DLG2: variants seen among roughly 807,000 people sequenced by gnomAD.
DLG2 encodes the protein discs large MAGUK scaffold protein 2.
Under a neutral mutation model 132.5 loss-of-function variants are expected in DLG2, and 45 were observed. The observed-to-expected ratio is 0.34, with a 90% CI of 0.27 to 0.44. The LOEUF (loss-of-function observed/expected upper bound fraction) is 0.44. DLG2 is among the 20% of genes least tolerant of loss of function. DLG2 has a pLI of 1.00. For synonymous variants in DLG2, 424 were observed against 419.6 expected, an observed-to-expected ratio of 1.01 and a Z score of -0.13; for missense variants, 1,045 against 1,196.9, an observed-to-expected ratio of 0.87 and a Z score of 1.87.
chr11:85,428,578 A>G (rs2090942716), intron 3 of DLG2, among the ~76,000 whole-genome samples: 1 of 152,222 alleles, frequency 6.6e-6, no homozygotes, highest in Non-Finnish European at 1.5e-5. Context: ...TTTGAAACCA[A>G]TGAGAACAAA....
chr11:85,612,031 A>G (rs941021137), intron 2 of DLG2, among the ~76,000 whole-genome samples: 1 of 152,254 alleles, frequency 6.6e-6, no homozygotes, highest in Non-Finnish European at 1.5e-5. Flanking sequence ...AGAGAAGGAA[A>G]GAGAGGAAGA....
chr11:85,427,476 T>C (rs1026522040), intron 3 of DLG2, among the ~76,000 whole-genome samples: 1 of 152,118 alleles, frequency 6.6e-6, no homozygotes, highest in Non-Finnish European at 1.5e-5. Context: ...AATATTCAAC[T>C]TTCTTAAAGA....
intron 4 of DLG2, among the ~76,000 whole-genome samples, chr11:85,277,187 G>C (rs1326489870): frequency 6.6e-6 from 1 of 152,084 alleles, no homozygotes; most frequent in Non-Finnish European, 1.5e-5. Flanking sequence ...TCAATAAATA[G>C]TTTTAAAACT....
chr11:85,568,648 T>G (rs534211007), intron 3 of DLG2, among the ~76,000 whole-genome samples: 1 of 152,198 alleles, frequency 6.6e-6, no homozygotes, highest in African/African-American at 2.4e-5. Flanking sequence ...TGGCAAATTA[T>G]GTGTTTCTAA....
intron 8 of DLG2, among the ~76,000 whole-genome samples, chr11:84,239,509 T>C (rs553713025): frequency 6.6e-6 from 1 of 152,232 alleles, no homozygotes; most frequent in East Asian, 1.9e-4. Flanking sequence ...TAAAGCACAA[T>C]TGTATCTGGT....
chr11:85,072,429 A>T, intron 6 of DLG2, among the ~76,000 whole-genome samples: 1 of 151,886 alleles, frequency 6.6e-6, no homozygotes, highest in East Asian at 1.9e-4. Context: ...ATAAAACTTT[A>T]AACAAACATT....
At chr11:83,760,056 C>A (rs373870276) in intron 18 of DLG2, among the ~76,000 whole-genome samples, 4 of 152,112 alleles carry the variant, frequency 2.6e-5, no homozygotes, top group African/African-American at 9.7e-5. Flanking sequence ...CCTTCTATTC[C>A]CTTACATTAA....
At chr11:85,134,114 A>G (rs1185209744) in intron 5 of DLG2, among the ~76,000 whole-genome samples, 6 of 152,146 alleles carry the variant, frequency 3.9e-5, no homozygotes, top group African/African-American at 7.2e-5. Flanking sequence ...TCGAAAATCA[A>G]TGATTCGCTT....
intron 18 of DLG2, among the ~76,000 whole-genome samples, chr11:83,736,744 G>GA (rs1167465901): frequency 6.6e-6 from 1 of 150,768 alleles, no homozygotes; most frequent in Non-Finnish European, 1.5e-5. Flanking sequence ...AGAAGAAGAA[G>GA]AAAAAAAAAG....
intron 6 of DLG2, among the ~76,000 whole-genome samples, chr11:85,077,416 G>T (rs763630452): frequency 1.3e-5 from 2 of 151,886 alleles, no homozygotes; most frequent in Non-Finnish European, 2.9e-5. Flanking sequence ...GCTTCAAAAA[G>T]CCTATGCTAG....
chr11:85,397,755 C>T (rs1007225897), intron 3 of DLG2, among the ~76,000 whole-genome samples: 11 of 152,288 alleles, frequency 7.2e-5, no homozygotes, highest in African/African-American at 2.4e-4. Flanking sequence ...GCGCCCAATA[C>T]AGGAGCACCC....
At chr11:84,720,236 G>A in intron 6 of DLG2, 1 of 975,672 alleles carries the variant, frequency 1.0e-6, no homozygotes, top group East Asian at 1.1e-4. Context: ...GCAACAGAAG[G>A]AATTGTTCTC....
chr11:84,714,553 C>T (rs57891442), intron 6 of DLG2, among the ~76,000 whole-genome samples: 27 of 109,248 alleles, frequency 2.5e-4, no homozygotes, highest in East Asian at 2.1e-3. Flanking sequence ...TTCTCTTTCT[C>T]TCTCTTTCTC....
intron 15 of DLG2, among the ~76,000 whole-genome samples, chr11:83,891,545 A>G (rs906083124): frequency 2.6e-5 from 4 of 152,176 alleles, no homozygotes; most frequent in African/African-American, 9.6e-5. Flanking sequence ...AGGTTTATAA[A>G]ACAGCTGGAA....
intron 3 of DLG2, among the ~76,000 whole-genome samples, chr11:85,439,222 C>T (rs1177707311): frequency 4.6e-5 from 7 of 152,152 alleles, no homozygotes; most frequent in South Asian, 2.1e-4. Flanking sequence ...TTTCCCACAG[C>T]GGCTGTGCTA....
intron 11 of DLG2, among the ~76,000 whole-genome samples, chr11:84,015,610 C>G (rs2095137140): frequency 6.6e-6 from 1 of 152,082 alleles, no homozygotes; most frequent in Admixed American, 6.6e-5. Context: ...CAGTCAGCTC[C>G]CAGTTATAAG....
chr11:83,880,003 A>G (rs1440879264), intron 15 of DLG2, among the ~76,000 whole-genome samples: 1 of 152,208 alleles, frequency 6.6e-6, no homozygotes, highest in African/African-American at 2.4e-5. Context: ...AGACTCATGA[A>G]GAGCATGACC....
chr11:84,981,264 T>C (rs1475524021), intron 6 of DLG2, among the ~76,000 whole-genome samples: 1 of 152,202 alleles, frequency 6.6e-6, no homozygotes, highest in African/African-American at 2.4e-5. Flanking sequence ...TCTATTACTA[T>C]CTGTGCAGAA....
chr11:84,936,769 C>T (rs1160020534), intron 6 of DLG2: 1 of 152,122 alleles, frequency 6.6e-6, no homozygotes, highest in African/African-American at 2.4e-5. Flanking sequence ...AAAAGCACGT[C>T]TTACACTATG....
Sources: allele counts gnomAD v4.1 joint callset (sites outside exome capture counted in the v4.1 genomes callset), GRCh38; gene constraint gnomAD v4.1.1; transcripts MANE v1.5; gene names NCBI Gene and HGNC (gene_info 2026-07-23, HGNC 2026-07-21).